The following UNC13B variants were observed in gnomAD, a reference collection of about 807,000 sequenced individuals.
UNC13B encodes the protein unc-13 homolog B, also known as protein unc-13 homolog B.
In UNC13B, 144 loss-of-function variants were observed where a neutral mutation model predicts 211.0. The observed-to-expected ratio is 0.68, with a 90% CI of 0.60 to 0.78. UNC13B has a LOEUF of 0.78. Ranked by LOEUF, UNC13B falls within the 30% of genes least tolerant of loss-of-function variation. UNC13B has a pLI of 0.00. For synonymous variants in UNC13B, 709 were observed against 725.8 expected (o/e 0.98, Z 0.37); for missense variants, 1,777 against 2,002.0 (o/e 0.89, Z 2.14).
intron 11 of UNC13B, among the ~76,000 whole-genome samples, chr9:35,324,686 C>G (rs948571438): frequency 7.9e-5 from 12 of 152,198 alleles, no homozygotes; most frequent in African/African-American, 2.4e-4. Context: ...GAAACCATCT[C>G]CAACTCTCCT....
chr9:35,216,554 A>C (rs1587392839), intron 1 of UNC13B, among the ~76,000 whole-genome samples: 1 of 152,208 alleles, frequency 6.6e-6, no homozygotes, highest in Admixed American at 6.5e-5. Context: ...ATGGTGAAAG[A>C]GGAAACATAG....
intron 11 of UNC13B, among the ~76,000 whole-genome samples, chr9:35,333,107 G>A (rs1005642413): frequency 6.8e-6 from 1 of 146,232 alleles, no homozygotes; most frequent in African/African-American, 2.8e-5. Context: ...ACTTGTTTAT[G>A]TTATAATTAT....
chr9:35,208,966 A>G (rs938728192), intron 1 of UNC13B, among the ~76,000 whole-genome samples: 2 of 152,216 alleles, frequency 1.3e-5, no homozygotes, highest in Admixed American at 6.5e-5. Flanking sequence ...TGCAATTAAT[A>G]AAAGTGTCCT....
At chr9:35,188,945 T>C (rs929763055) in intron 1 of UNC13B, among the ~76,000 whole-genome samples, 1 of 152,230 alleles carries the variant, frequency 6.6e-6, no homozygotes, top group Non-Finnish European at 1.5e-5. Flanking sequence ...AAGGGCAGAT[T>C]AGCATCTTTA....
Position 35,306,257 on chromosome 9 carries a change from A to T in UNC13B, c.6853A>T (p.Ile2285Phe), listed in dbSNP as rs775280939. 1 of 398,966 alleles carries T rather than the reference A, an allele frequency of 2.5e-6. No homozygotes were observed. The highest frequency in any genetic ancestry group is 2.1e-5 in the African/African-American group (1 of 48,646). 24.7% of individuals were successfully genotyped at this position (398,966 alleles called of 1,614,324 possible). A position where few individuals can be genotyped will look rare whatever the true frequency, so the allele number is the denominator to read the frequency against. ...VVHEQQMAPCISINNTIEVTS... is the reference protein window; with the variant it reads ...VVHEQQMAPCFSINNTIEVTS... ...TCATGAACAGCAAATGGCACCTTGT[A>T]TTTCCATTAACAACACCATTGAGGT... Residue 2285 changes from isoleucine to phenylalanine, a missense_variant, in exon 9 of 40, where the codon ATT becomes TTT. Coordinates refer to ENST00000635942, the MANE Select transcript of UNC13B (RefSeq NM_001371189.2).
At chr9:35,207,480 T>TTATTTATG (rs1554687201) in intron 1 of UNC13B, among the ~76,000 whole-genome samples, 3 of 147,694 alleles carry the variant, frequency 2.0e-5, no homozygotes, top group Non-Finnish European at 4.5e-5. Context: ...AAATTAATTT[T>TTATTTATG]TATTTATTTA....
chr9:35,396,655 G>A (rs1835898897), intron 27 of UNC13B, 53 bp downstream of exon 27: 2 of 1,609,432 alleles, frequency 1.2e-6, no homozygotes, highest in East Asian at 2.2e-5. Context: ...GGGTGGGCAG[G>A]GCTAGTATCC....
At chr9:35,178,995 G>A (rs1821790923) in intron 1 of UNC13B, among the ~76,000 whole-genome samples, 2 of 151,778 alleles carry the variant, frequency 1.3e-5, no homozygotes, top group Admixed American at 1.3e-4. Flanking sequence ...GTAGGTAAGG[G>A]TTAATCATTT....
At chr9:35,260,210 AAAACAAACAAAC>A (rs61266087) in intron 7 of UNC13B, among the ~76,000 whole-genome samples, 1 of 150,410 alleles carries the variant, frequency 6.6e-6, no homozygotes, top group Non-Finnish European at 1.5e-5. Context: ...ACCCTGTTTC[AAAACAAACAAAC>A]AAACAAACAA....
rs76929713 is a variant in UNC13B at position 35,391,378 on chromosome 9, C to T, written c.11308+664C>T. Among the ~76,000 whole-genome samples the T allele has an allele frequency of 7.9e-5, 12 of 152,304 alleles. No homozygotes were observed. In the East Asian group the frequency reaches 2.3e-3, roughly 29 times the overall value. ...CATTTTATGTGTGGTAGTCTCTCTA[C>T]TCAGTCTGTGAAAGCCCATCTAGGA... On this transcript the variant is annotated intron_variant, in intron 26 of 39. Transcript: ENST00000635942.
In UNC13B at chr9:35,198,899, T is replaced by C. The variant is rs369068811; in HGVS notation, c.23-29116T>C. On this transcript the variant is annotated intron_variant, in intron 1 of 39. Transcript: ENST00000635942. ...ATTATACTTTAAGTTCTAGGGTACATGTGCACAACGTGCAGGTTTGTTACA... is the reference window on the plus strand; with the variant it reads ...ATTATACTTTAAGTTCTAGGGTACACGTGCACAACGTGCAGGTTTGTTACA... Among the ~76,000 whole-genome samples, 118 of 152,338 alleles carry C rather than the reference T, an allele frequency of 7.7e-4. 2 individuals are homozygous for C. The South Asian group carries it at 0.019, about 25-fold the overall frequency.
At chr9:35,345,645 C>T (rs985972131) in intron 11 of UNC13B, among the ~76,000 whole-genome samples, 4 of 152,142 alleles carry the variant, frequency 2.6e-5, no homozygotes, top group African/African-American at 7.2e-5. Flanking sequence ...ACTTATGTTT[C>T]GTCAAAGAAG....
chr9:35,399,062 T>C (rs781622298), intron 33 of UNC13B, 28 bp downstream of exon 33: 32 of 1,613,472 alleles, frequency 2.0e-5, no homozygotes, highest in East Asian at 4.5e-5. Flanking sequence ...GACTATCCTG[T>C]GGGGATGAGC....
intron 7 of UNC13B, chr9:35,291,089 T>A: frequency 6.4e-7 from 1 of 1,550,474 alleles, no homozygotes; most frequent in East Asian, 2.4e-5. Context: ...CTATTTGGGC[T>A]GGGGAGAACA....
At chr9:35,168,884 G>A (rs1470767803) in intron 1 of UNC13B, among the ~76,000 whole-genome samples, 1 of 151,692 alleles carries the variant, frequency 6.6e-6, no homozygotes. Flanking sequence ...TGTTTCCCAG[G>A]GTGGTCTTGA....
chr9:35,202,231 A>G (rs1031907429), intron 1 of UNC13B, among the ~76,000 whole-genome samples: 11 of 152,120 alleles, frequency 7.2e-5, no homozygotes, highest in African/African-American at 2.7e-4. Context: ...GTTCTTTTAC[A>G]TTTGCTGAGG....
chr9:35,304,090 G>T lies in UNC13B; in HGVS notation c.4686G>T (p.Glu1562Asp), dbSNP rs1342245095. 1 of 398,598 alleles carries T rather than the reference G, an allele frequency of 2.5e-6. No individual in the cohort carries two copies. Among genetic ancestry groups the T allele is most frequent in the Non-Finnish European group, 4.4e-6 (1 of 225,864 alleles). 24.7% of individuals were successfully genotyped at this position (398,598 alleles called of 1,614,324 possible). The change falls in exon 9 of 40, where the codon GAG becomes GAT. Residue 1562 changes from glutamate (E) to aspartate (D), a missense_variant. Physicochemically the swap from Glu to Asp is conservative, Grantham distance 45. Transcript: ENST00000635942. ...AYLFIPDSYQ[E>D]YLDCDLQTNG... ...TATTTATACCTGATTCTTATCAAGAGTATTTGGATTGTGATTTACAGACAA... is the reference window on the plus strand; with the variant it reads ...TATTTATACCTGATTCTTATCAAGATTATTTGGATTGTGATTTACAGACAA...
intron 11 of UNC13B, among the ~76,000 whole-genome samples, chr9:35,329,314 T>C (rs1831234972): frequency 6.6e-6 from 1 of 152,068 alleles, no homozygotes; most frequent in Non-Finnish European, 1.5e-5. Flanking sequence ...ATGGGTGGGC[T>C]TTACTCCATT....
At chr9:35,282,103 G>A (rs924311216) in intron 7 of UNC13B, among the ~76,000 whole-genome samples, 5 of 152,190 alleles carry the variant, frequency 3.3e-5, no homozygotes, top group South Asian at 2.1e-4. Context: ...ATAGTGATGT[G>A]AGCAGTTTGC....
Sources: gnomAD v4.1 joint callset for allele counts (sites outside exome capture counted in the v4.1 genomes callset) on GRCh38, gnomAD v4.1.1 for gene constraint, MANE v1.5 for transcripts, NCBI Gene and HGNC (gene_info 2026-07-23, HGNC 2026-07-21) for gene names.